The following CPNE4 variants were observed in gnomAD, a reference collection of about 807,000 sequenced individuals.
The protein encoded by CPNE4 is copine-4.
In CPNE4, 25 loss-of-function variants were observed where a neutral mutation model predicts 67.9. The ratio of observed to expected loss-of-function variants is 0.37; its 90% CI spans 0.27 to 0.51. The LOEUF is 0.51. CPNE4 is among the 20% of genes least tolerant of loss of function. The probability of loss-of-function intolerance (pLI) is 0.93; values close to 1 mark genes in which losing one functional copy is unlikely to be tolerated. For missense variants in CPNE4, 464 were observed against 690.8 expected (o/e 0.67, Z 3.68); for synonymous variants, 242 against 244.9 (o/e 0.99, Z 0.11).
intron 7 of CPNE4, among the ~76,000 whole-genome samples, chr3:131,667,595 T>TC (rs1453154968): frequency 1.3e-5 from 2 of 151,974 alleles, no homozygotes; most frequent in African/African-American, 2.4e-5. Flanking sequence ...GATCCTTCTC[T>TC]CCCCCCTCCC....
At chr3:131,641,615 A>C (rs770163095) in intron 7 of CPNE4, among the ~76,000 whole-genome samples, 22 of 152,204 alleles carry the variant, frequency 1.4e-4, no homozygotes, top group Non-Finnish European at 2.8e-4. Context: ...AGATTCCTTA[A>C]AGAACTAAAA....
intron 1 of CPNE4, among the ~76,000 whole-genome samples, chr3:131,938,883 TG>T (rs2071303174): frequency 6.6e-6 from 1 of 152,132 alleles, no homozygotes; most frequent in Non-Finnish European, 1.5e-5. Context: ...AATAAGACAT[TG>T]ATGCTTACCA....
intron 2 of CPNE4, among the ~76,000 whole-genome samples, chr3:131,769,891 A>G (rs1484781395): frequency 1.2e-4 from 18 of 152,062 alleles, no homozygotes; most frequent in Admixed American, 1.1e-3. Flanking sequence ...TCTTATCTAC[A>G]TTTTTTTGGC....
chr3:132,033,516 C>A (rs1030903799), intron 1 of CPNE4, among the ~76,000 whole-genome samples: 2 of 152,204 alleles, frequency 1.3e-5, no homozygotes, highest in Admixed American at 1.3e-4. Context: ...CTCTGCTCAC[C>A]TTTCCCCCCT....
intron 2 of CPNE4, among the ~76,000 whole-genome samples, chr3:131,798,595 A>G (rs565715950): frequency 3.3e-4 from 50 of 152,222 alleles, no homozygotes; most frequent in Non-Finnish European, 6.2e-4. Flanking sequence ...GGTGATGAGA[A>G]AAAAAGCTTC....
intron 2 of CPNE4, among the ~76,000 whole-genome samples, chr3:131,853,472 G>GA (rs2086315984): frequency 1.3e-5 from 2 of 151,656 alleles, no homozygotes; most frequent in Non-Finnish European, 1.5e-5. Flanking sequence ...ATGTCAAGGA[G>GA]AAAACACAAG....
chr3:131,917,394 A>T (rs1322462503), intron 1 of CPNE4, among the ~76,000 whole-genome samples: 1 of 152,288 alleles, frequency 6.6e-6, no homozygotes, highest in East Asian at 1.9e-4. Flanking sequence ...AAGGGAGGAC[A>T]TGTTGGAAGA....
chr3:131,962,640 A>G (rs182081253), intron 1 of CPNE4, among the ~76,000 whole-genome samples: 13 of 152,312 alleles, frequency 8.5e-5, no homozygotes, highest in African/African-American at 3.1e-4. Flanking sequence ...GAACTTAAAC[A>G]TTTATAATTG....
chr3:131,906,589 T>G (rs1283815717), intron 1 of CPNE4, among the ~76,000 whole-genome samples: 6 of 152,024 alleles, frequency 3.9e-5, no homozygotes, highest in Non-Finnish European at 5.9e-5. Context: ...AACTCATCAT[T>G]TTTTATGGCT....
At chr3:131,566,051 C>T (rs1422295058) in intron 10 of CPNE4, among the ~76,000 whole-genome samples, 1 of 151,822 alleles carries the variant, frequency 6.6e-6, no homozygotes, top group Non-Finnish European at 1.5e-5. Context: ...AAATCCAAGT[C>T]TATATGGTTC....
At chr3:131,702,834 T>C (rs2081334487) in intron 3 of CPNE4, among the ~76,000 whole-genome samples, 1 of 152,224 alleles carries the variant, frequency 6.6e-6, no homozygotes. Context: ...TGCTACTGTA[T>C]GCCAGCTTTT....
At chr3:131,889,858 A>G (rs1381377704) in intron 2 of CPNE4, among the ~76,000 whole-genome samples, 1 of 152,200 alleles carries the variant, frequency 6.6e-6, no homozygotes, top group African/African-American at 2.4e-5. Context: ...AGTCTCTTCA[A>G]TAAATGGTAT....
intron 3 of CPNE4, among the ~76,000 whole-genome samples, chr3:131,709,648 C>T (rs1415662086): frequency 6.6e-6 from 1 of 152,238 alleles, no homozygotes; most frequent in Non-Finnish European, 1.5e-5. Flanking sequence ...TCATGCCTCC[C>T]TCATTAGAAA....
chr3:131,709,512 T>G (rs1263567958), intron 3 of CPNE4, among the ~76,000 whole-genome samples: 1 of 152,210 alleles, frequency 6.6e-6, no homozygotes, highest in Non-Finnish European at 1.5e-5. Context: ...TTCTCAGCAA[T>G]CAGCCATTCT....
intron 1 of CPNE4, among the ~76,000 whole-genome samples, chr3:132,031,915 A>AT (rs1355842155): frequency 1.3e-5 from 2 of 152,094 alleles, no homozygotes; most frequent in Non-Finnish European, 2.9e-5. Flanking sequence ...GCTTTTTTCT[A>AT]TTGTTTTGGA....
chr3:131,802,033 T>C (rs1439865743), intron 2 of CPNE4, among the ~76,000 whole-genome samples: 1 of 152,032 alleles, frequency 6.6e-6, no homozygotes, highest in Non-Finnish European at 1.5e-5. Context: ...GTCGGTTTCA[T>C]AAATCAGGCT....
chr3:131,725,114 C>T (rs1191366114), intron 2 of CPNE4, among the ~76,000 whole-genome samples: 2 of 152,190 alleles, frequency 1.3e-5, no homozygotes, highest in African/African-American at 2.4e-5. Flanking sequence ...GCATTTATCT[C>T]ACTTTCATAT....
At chr3:131,713,860 T>C (rs538643685) in intron 3 of CPNE4, among the ~76,000 whole-genome samples, 1 of 152,146 alleles carries the variant, frequency 6.6e-6, no homozygotes, top group East Asian at 1.9e-4. Flanking sequence ...CCACCCTACT[T>C]AAATCCCAGC....
chr3:131,724,670 T>C (rs2081962888), intron 2 of CPNE4, among the ~76,000 whole-genome samples: 1 of 152,162 alleles, frequency 6.6e-6, no homozygotes, highest in Non-Finnish European at 1.5e-5. Flanking sequence ...TGCTGGGATT[T>C]GGTAACATAG....
Sources: gnomAD v4.1 joint callset for allele counts (sites outside exome capture counted in the v4.1 genomes callset) on GRCh38, gnomAD v4.1.1 for gene constraint, MANE v1.5 for transcripts, NCBI Gene and HGNC (gene_info 2026-07-23, HGNC 2026-07-21) for gene names.